MYO10: variants seen among roughly 807,000 people sequenced by gnomAD.
MYO10 encodes unconventional myosin-X.
Under a neutral mutation model 257.3 loss-of-function variants are expected in MYO10, and 133 were observed. The observed-to-expected ratio is 0.52, with a 90% CI of 0.45 to 0.60. The LOEUF (loss-of-function observed/expected upper bound fraction) is 0.60, where lower values mean the gene tolerates loss of function less well. Among genes scored for constraint, MYO10 ranks in the 20% least tolerant of loss-of-function variants. MYO10 has a pLI of 0.00. For synonymous variants in MYO10, 1,104 were observed against 1,028.6 expected (o/e 1.07, Z -1.40); for missense variants, 2,399 against 2,635.7 (o/e 0.91, Z 1.97).
At chr5:16,669,482 G>A (rs1406596923) in intron 39 of MYO10, among the ~76,000 whole-genome samples, 1 of 152,104 alleles carries the variant, frequency 6.6e-6, no homozygotes, top group Non-Finnish European at 1.5e-5. Context: ...GGGATTACAG[G>A]CATGAGCCAC....
intron 3 of MYO10, among the ~76,000 whole-genome samples, chr5:16,807,723 C>T (rs1252770911): frequency 6.6e-6 from 1 of 152,046 alleles, no homozygotes; most frequent in Non-Finnish European, 1.5e-5. Context: ...GACAGCTATC[C>T]TCCTTCTTGG....
intron 1 of MYO10, among the ~76,000 whole-genome samples, chr5:16,928,339 C>A (rs937869134): frequency 1.3e-5 from 2 of 152,080 alleles, no homozygotes; most frequent in African/African-American, 4.8e-5. Context: ...CGATTACAGG[C>A]CCATGTCACC....
At chr5:16,735,907 C>A (rs1466601703) in intron 19 of MYO10, among the ~76,000 whole-genome samples, 2 of 152,080 alleles carry the variant, frequency 1.3e-5, no homozygotes. Flanking sequence ...CATTTTTGCA[C>A]CCAACCCTCA....
At chr5:16,705,339 AATAAATTGT>A (rs1738281198) in intron 21 of MYO10, among the ~76,000 whole-genome samples, 1 of 152,310 alleles carries the variant, frequency 6.6e-6, no homozygotes, top group East Asian at 1.9e-4. Context: ...ATCAGGACTA[AATAAATTGT>A]AGCTGTTTGC....
chr5:16,830,329 A>C (rs1743126958), intron 2 of MYO10, among the ~76,000 whole-genome samples: 1 of 152,150 alleles, frequency 6.6e-6, no homozygotes, highest in Non-Finnish European at 1.5e-5. Flanking sequence ...TTTCCTTTAA[A>C]TCCTCAACTA....
rs62369346 is a variant in MYO10, at chr5:16,818,381, C to T, written c.121-214G>A. On this transcript the variant is annotated intron_variant, in intron 2 of 40. Transcript: ENST00000513610. The stretch of plus-strand genomic sequence containing the variant: ...GTATGTATGTGTGTGTGTGTGTGTG[C>T]GTGTGTGTGTGTGTGTGTGTGTGTG... Among the ~76,000 whole-genome samples, 73 of 134,060 alleles carry T rather than the reference C, an allele frequency of 5.4e-4. 1 individual carries two copies. The highest frequency in any genetic ancestry group is 1.2e-3 in the African/African-American group (41 of 33,914). The allele number at this position is 134,060 out of a possible 152,430, so 87.9% of individuals were successfully genotyped here.
chr5:16,684,185 A>T (rs979358579), intron 29 of MYO10, among the ~76,000 whole-genome samples: 6 of 152,072 alleles, frequency 3.9e-5, no homozygotes, highest in African/African-American at 1.5e-4. Context: ...CCTTTCAATA[A>T]TTTATTTCTT....
chr5:16,719,637 T>A (rs538595452), intron 19 of MYO10, among the ~76,000 whole-genome samples: 1 of 152,210 alleles, frequency 6.6e-6, no homozygotes, highest in African/African-American at 2.4e-5. Context: ...TTGAAGATTA[T>A]GTAAAAGTAA....
rs952081961 is a variant in MYO10, at chr5:16,690,232, T to A, written c.3801-313A>T. ...CTATTGTAAGTAATCTAGAGACGATTTGAAGCATGTGGGAGAATATGCATA... is the reference window on the plus strand; with the variant it reads ...CTATTGTAAGTAATCTAGAGACGATATGAAGCATGTGGGAGAATATGCATA... On this transcript the variant is annotated intron_variant, in intron 27 of 40. Transcript: ENST00000513610. 1.3e-5 allele frequency among the ~76,000 whole-genome samples: 2 copies of A among 152,206 alleles called. 1 individual carries two copies. The highest frequency in any genetic ancestry group is 2.9e-5 in the Non-Finnish European group (2 of 68,044).
At chr5:16,674,558 T>G (rs1736631693) in intron 35 of MYO10, among the ~76,000 whole-genome samples, 1 of 136,232 alleles carries the variant, frequency 7.3e-6, no homozygotes, top group African/African-American at 3.0e-5. Flanking sequence ...GGAACAAATA[T>G]CCAAGTTTTT....
chr5:16,712,821 A>G (rs1161691522), intron 19 of MYO10, among the ~76,000 whole-genome samples: 1 of 152,226 alleles, frequency 6.6e-6, no homozygotes, highest in East Asian at 1.9e-4. Context: ...TAGGGCAAAC[A>G]TCCAAAGAAC....
chr5:16,765,973 T>C, intron 11 of MYO10, 107 bp downstream of exon 11: 1 of 758,644 alleles, frequency 1.3e-6, no homozygotes, highest in South Asian at 1.7e-5. Flanking sequence ...GTTATTAATA[T>C]ATTACAGTTA....
At chr5:16,693,809 A>G (rs7733988) in intron 27 of MYO10, among the ~76,000 whole-genome samples, 37,762 of 152,076 alleles carry the variant, frequency 0.25, 5,049 homozygotes, top group Non-Finnish European at 0.29. Context: ...ATAGGCCCTC[A>G]ATAGTCCAAA....
At chr5:16,738,869 C>T (rs1176904484) in intron 19 of MYO10, among the ~76,000 whole-genome samples, 17 of 111,722 alleles carry the variant, frequency 1.5e-4, no homozygotes, top group Non-Finnish European at 1.7e-5. Flanking sequence ...CCAGCCTGGG[C>T]AACAAAGGGA....
At position 16,762,143 on chromosome 5, in the gene MYO10, A is replaced by AAAATATATATATAT. The variant is rs370443366; in HGVS notation, c.1588-31_1588-30insATATATATATATTT. On this transcript the variant is annotated intron_variant, in intron 15 of 40. Transcript: ENST00000513610. ...AAAAAAAAAAAAAAAAAAAAAAAAAAATACAATGCCTTATTTCACTCACTG... is the reference window on the plus strand; with the variant it reads ...AAAAAAAAAAAAAAAAAAAAAAAAAAAAATATATATATATATACAATGCCTTATTTCACTCACTG... 3 of 1,055,752 alleles carry AAAATATATATATAT rather than the reference A, an allele frequency of 2.8e-6. No individual in the cohort carries two copies. The African/African-American group carries it at 4.8e-5, about 17-fold the overall frequency. The allele number at this position is 1,055,752 out of a possible 1,614,324, so 65.4% of individuals were successfully genotyped here.
At chr5:16,818,762 A>T (rs1049759920) in intron 2 of MYO10, among the ~76,000 whole-genome samples, 10 of 152,158 alleles carry the variant, frequency 6.6e-5, no homozygotes, top group African/African-American at 2.4e-4. Context: ...TTCTAAAAGA[A>T]GCAATTATTT....
chr5:16,844,232 C>CT (rs917581879), intron 2 of MYO10, among the ~76,000 whole-genome samples: 8 of 151,984 alleles, frequency 5.3e-5, no homozygotes, highest in African/African-American at 9.7e-5. Context: ...TTATCCACTC[C>CT]TTTTTTTTCT....
intron 14 of MYO10, 105 bp from the exon 15 acceptor site, chr5:16,762,742 T>A (rs533339362): frequency 1.7e-4 from 127 of 755,128 alleles, no homozygotes; most frequent in Non-Finnish European, 2.5e-4. Context: ...GATGGGCAGA[T>A]CATTTGAGGT....
At chr5:16,916,488 A>T (rs29446) in intron 1 of MYO10, 34,415 of 172,516 alleles carry the variant, frequency 0.2, 4,112 homozygotes, top group Middle Eastern at 0.31. Context: ...AAAAGAGGAG[A>T]GGAGAAGCAT....
Sources: gnomAD v4.1 joint callset for allele counts (sites outside exome capture counted in the v4.1 genomes callset) on GRCh38, gnomAD v4.1.1 for gene constraint, MANE v1.5 for transcripts, NCBI Gene and HGNC (gene_info 2026-07-23, HGNC 2026-07-21) for gene names.